The following ASAP1 variants were observed in gnomAD, a reference collection of about 807,000 sequenced individuals.
The protein encoded by ASAP1 is arf-GAP with SH3 domain, ANK repeat and PH domain-containing protein 1.
A neutral mutation model predicts 145.2 loss-of-function variants in ASAP1; 43 were observed. That is an observed-to-expected ratio of 0.30 (90% CI 0.23 to 0.38). ASAP1 has a LOEUF of 0.38. Among genes scored for constraint, ASAP1 ranks in the 10% least tolerant of loss-of-function variants. The pLI is 1.00. For synonymous variants in ASAP1, 546 were observed against 515.5 expected, an observed-to-expected ratio of 1.06 and a Z score of -0.80; for missense variants, 1,018 against 1,355.3, an observed-to-expected ratio of 0.75 and a Z score of 3.91.
intron 24 of ASAP1, among the ~76,000 whole-genome samples, chr8:130,100,519 G>A (rs542750169): frequency 6.6e-6 from 1 of 152,032 alleles, no homozygotes; most frequent in African/African-American, 2.4e-5. Context: ...AGTAGAGATG[G>A]GGTTTCACCA....
In ASAP1 at chr8:130,112,261, A is replaced by G; in HGVS notation, c.2234T>C (p.Ile745Thr). 1.2e-6 allele frequency: 2 copies of G among 1,614,012 alleles called. No homozygotes were observed. The highest frequency in any genetic ancestry group is 1.3e-5 in the African/African-American group (1 of 74,976). Residue 745 changes from isoleucine (I) to threonine (T), a missense_variant, in exon 24 of 30, where the codon ATC becomes ACC. Coordinates refer to ENST00000518721, the MANE Select transcript of ASAP1 (RefSeq NM_018482.4). ...RPQSFCHSSSISPQDKLALPG... is the reference protein window; with the variant it reads ...RPQSFCHSSSTSPQDKLALPG... ...CAGTGCCAGCTTGTCCTGGGGGGAG[A>G]TGCTGGAGGAGTGGCAGAAGCTCTG...
At position 130,100,742 on chromosome 8, in the gene ASAP1, T is replaced by C. The variant is rs188405378; in HGVS notation, c.2402-8599A>G. On this transcript the variant is annotated intron_variant, in intron 24 of 29. Transcript: ENST00000518721. Reference sequence around the variant, plus strand: ...TCCTTGTATATTCCGGATATACAAGTCCCTTGTAAGATGAATAGTTTGCAG... The same window carrying C: ...TCCTTGTATATTCCGGATATACAAGCCCCTTGTAAGATGAATAGTTTGCAG... Among the ~76,000 whole-genome samples the C allele has an allele frequency of 2.5e-3, 379 of 152,364 alleles. 2 individuals are homozygous for C. Among genetic ancestry groups the C allele is most frequent in the African/African-American group, 6.9e-3 (287 of 41,590 alleles).
chr8:130,215,975 AAAAGGAAAGG>A (rs201649133), intron 4 of ASAP1, among the ~76,000 whole-genome samples: 42,367 of 127,960 alleles, frequency 0.33, 7,408 homozygotes, highest in East Asian at 0.57. Flanking sequence ...AAGAAAAAGA[AAAAGGAAAGG>A]AAAGGAAAGG....
At chr8:130,417,483 G>A (rs1304402304) in intron 1 of ASAP1, among the ~76,000 whole-genome samples, 7 of 152,294 alleles carry the variant, frequency 4.6e-5, no homozygotes, top group East Asian at 1.9e-4. Flanking sequence ...CAAGTGATAC[G>A]GGCGGAAAGA....
chr8:130,292,500 G>A (rs138310140), intron 3 of ASAP1, among the ~76,000 whole-genome samples: 13 of 152,286 alleles, frequency 8.5e-5, no homozygotes, highest in African/African-American at 2.9e-4. Flanking sequence ...GTAAACCAAG[G>A]GTAGGAGGAG....
chr8:130,127,585 GAGATGGTCC>G (rs1429213805), intron 16 of ASAP1, among the ~76,000 whole-genome samples: 4 of 152,144 alleles, frequency 2.6e-5, no homozygotes, highest in African/African-American at 4.8e-5. Context: ...GACTCAGTGT[GAGATGGTCC>G]AGGCTGGGAG....
At chr8:130,356,500 C>T (rs2138117593) in intron 3 of ASAP1, among the ~76,000 whole-genome samples, 1 of 151,986 alleles carries the variant, frequency 6.6e-6, no homozygotes, top group African/African-American at 2.4e-5. Context: ...CTGTTTAATC[C>T]CAGACGAGTA....
chr8:130,216,172 A>C (rs963633715), intron 4 of ASAP1, among the ~76,000 whole-genome samples: 1 of 152,206 alleles, frequency 6.6e-6, no homozygotes, highest in African/African-American at 2.4e-5. Flanking sequence ...ATGTGTCCTA[A>C]CAGGTTTCTT....
chr8:130,341,025 T>C (rs1825349914), intron 3 of ASAP1: 12 of 407,996 alleles, frequency 2.9e-5, no homozygotes, highest in South Asian at 2.2e-4. Flanking sequence ...TTTAGAGTGT[T>C]TTTTAACCGA....
At chr8:130,406,912 C>T (rs1233643769) in intron 1 of ASAP1, among the ~76,000 whole-genome samples, 1 of 152,214 alleles carries the variant, frequency 6.6e-6, no homozygotes, top group Admixed American at 6.5e-5. Flanking sequence ...TGAAGCCCAA[C>T]TTGTCCAGTC....
At chr8:130,286,007 G>A (rs1376352689) in intron 3 of ASAP1, among the ~76,000 whole-genome samples, 3 of 152,132 alleles carry the variant, frequency 2.0e-5, no homozygotes, top group African/African-American at 7.2e-5. Flanking sequence ...ATTATTTTTA[G>A]CCACTTACTG....
intron 15 of ASAP1, among the ~76,000 whole-genome samples, chr8:130,128,873 AGT>A (rs1369617022): frequency 6.6e-6 from 1 of 152,204 alleles, no homozygotes; most frequent in Non-Finnish European, 1.5e-5. Context: ...CTCATAATAT[AGT>A]GTTTTGTGAA....
intron 13 of ASAP1, among the ~76,000 whole-genome samples, chr8:130,148,837 A>G (rs1302928636): frequency 6.6e-6 from 1 of 151,866 alleles, no homozygotes; most frequent in African/African-American, 2.4e-5. Flanking sequence ...TTTTGAGGCT[A>G]AAACTTTTTT....
intron 1 of ASAP1, among the ~76,000 whole-genome samples, chr8:130,423,720 G>C (rs1829808903): frequency 6.6e-6 from 1 of 152,198 alleles, no homozygotes; most frequent in South Asian, 2.1e-4. Context: ...GAGTATATCA[G>C]CATAGAGAGA....
intron 3 of ASAP1, among the ~76,000 whole-genome samples, chr8:130,317,837 T>C (rs769908701): frequency 1.3e-5 from 2 of 152,174 alleles, no homozygotes; most frequent in Non-Finnish European, 1.5e-5. Context: ...CTCAAACAAC[T>C]AATGAGCTGA....
At chr8:130,092,721 C>T (rs2097508160) in intron 24 of ASAP1, among the ~76,000 whole-genome samples, 1 of 151,878 alleles carries the variant, frequency 6.6e-6, no homozygotes, top group African/African-American at 2.4e-5. Context: ...GAAAAACAAA[C>T]ACACACACAC....
chr8:130,118,003 CAGAG>C (rs1320302109), intron 20 of ASAP1, among the ~76,000 whole-genome samples, 154 bp downstream of exon 20: 1 of 152,190 alleles, frequency 6.6e-6, no homozygotes, highest in African/African-American at 2.4e-5. Context: ...ATAGCTCTGA[CAGAG>C]AGACTTCATG....
intron 4 of ASAP1, among the ~76,000 whole-genome samples, chr8:130,229,871 T>A (rs1817805673): frequency 6.6e-6 from 1 of 152,042 alleles, no homozygotes; most frequent in African/African-American, 2.4e-5. Flanking sequence ...TGAAGCCCCA[T>A]CTCTACCAAA....
chr8:130,281,921 C>T (rs1055670963), intron 3 of ASAP1, among the ~76,000 whole-genome samples: 6 of 151,958 alleles, frequency 3.9e-5, no homozygotes, highest in East Asian at 1.9e-4. Flanking sequence ...AAAAAGTTAG[C>T]GGGGCAAGGT....
Sources: allele counts gnomAD v4.1 joint callset (sites outside exome capture counted in the v4.1 genomes callset), GRCh38; gene constraint gnomAD v4.1.1; transcripts MANE v1.5; gene names NCBI Gene and HGNC (gene_info 2026-07-23, HGNC 2026-07-21).